KAT6A: variants seen among roughly 807,000 people sequenced by gnomAD.
KAT6A encodes the protein histone acetyltransferase KAT6A.
KAT6A carries 9 observed loss-of-function variants against 198.4 expected under a neutral mutation model. That is an observed-to-expected ratio of 0.05 (90% CI 0.03 to 0.08). The LOEUF (loss-of-function observed/expected upper bound fraction) is 0.08. Among genes scored for constraint, KAT6A ranks in the 10% least tolerant of loss-of-function variants. KAT6A has a pLI of 1.00. For synonymous variants in KAT6A, 890 were observed against 883.0 expected (o/e 1.01, Z -0.14); for missense variants, 2,077 against 2,509.9 (o/e 0.83, Z 3.69).
chr8:41,945,327 G>A (rs1196276568), intron 12 of KAT6A, among the ~76,000 whole-genome samples: 4 of 149,940 alleles, frequency 2.7e-5, no homozygotes, highest in African/African-American at 7.4e-5. Context: ...CTAGAGTGCA[G>A]TGGCGTGATC....
intron 2 of KAT6A, among the ~76,000 whole-genome samples, chr8:42,019,753 T>C (rs947648749): frequency 2.2e-4 from 33 of 152,194 alleles, no homozygotes; most frequent in Non-Finnish European, 2.1e-4. Flanking sequence ...AATTTACAGA[T>C]ATGCTTCACT....
chr8:42,005,763 T>TACACACACACAC (rs142174569), intron 2 of KAT6A, among the ~76,000 whole-genome samples: 6 of 142,130 alleles, frequency 4.2e-5, no homozygotes, highest in African/African-American at 1.0e-4. Flanking sequence ...TGCAAGCAAA[T>TACACACACACAC]ACACACACAC....
chr8:42,039,036 C>G (rs2150926325), intron 2 of KAT6A, among the ~76,000 whole-genome samples: 1 of 152,328 alleles, frequency 6.6e-6, no homozygotes, highest in South Asian at 2.1e-4. Flanking sequence ...TGAAAGCCAT[C>G]TGCTGGGAAC....
chr8:41,959,470 A>G (rs909675349), intron 8 of KAT6A, among the ~76,000 whole-genome samples: 3 of 152,204 alleles, frequency 2.0e-5, no homozygotes, highest in African/African-American at 7.2e-5. Flanking sequence ...AAGTAAACAG[A>G]ATTACCACAT....
chr8:42,011,000 A>T (rs1474050219), intron 2 of KAT6A, among the ~76,000 whole-genome samples: 1 of 152,208 alleles, frequency 6.6e-6, no homozygotes, highest in Non-Finnish European at 1.5e-5. Context: ...CAGAGATAAG[A>T]GGAGATAATC....
chr8:41,997,842 T>G (rs1337113290), intron 2 of KAT6A, among the ~76,000 whole-genome samples: 1 of 152,176 alleles, frequency 6.6e-6, no homozygotes, highest in Non-Finnish European at 1.5e-5. Context: ...AACAAATAAT[T>G]TTCAGCAGAG....
intron 10 of KAT6A, among the ~76,000 whole-genome samples, chr8:41,949,003 C>T (rs1037391893): frequency 1.3e-5 from 2 of 152,230 alleles, no homozygotes; most frequent in East Asian, 1.9e-4. Flanking sequence ...CATTTAAATG[C>T]CATATTTCAT....
chr8:41,961,141 C>T (rs546043410), intron 8 of KAT6A, among the ~76,000 whole-genome samples: 21 of 152,318 alleles, frequency 1.4e-4, no homozygotes, highest in African/African-American at 5.1e-4. Context: ...CTTACTCCAC[C>T]TTCACTTTCA....
At chr8:41,953,903 A>G in intron 9 of KAT6A, among the ~76,000 whole-genome samples, 1 of 152,326 alleles carries the variant, frequency 6.6e-6, no homozygotes, top group East Asian at 1.9e-4. Flanking sequence ...ACATACATGT[A>G]TAATATATAT....
At chr8:42,010,169 G>C (rs1825958187) in intron 2 of KAT6A, among the ~76,000 whole-genome samples, 1 of 151,998 alleles carries the variant, frequency 6.6e-6, no homozygotes, top group Non-Finnish European at 1.5e-5. Context: ...GCTTGGTGTG[G>C]TCGCGCACGC....
At chr8:41,964,376 T>C (rs772628547) in intron 8 of KAT6A, among the ~76,000 whole-genome samples, 5 of 152,166 alleles carry the variant, frequency 3.3e-5, no homozygotes, top group South Asian at 2.1e-4. Context: ...GTTTATTCAA[T>C]AGTCCCCCTT....
chr8:42,003,998 C>CA (rs1825621595), intron 2 of KAT6A, among the ~76,000 whole-genome samples: 1 of 152,276 alleles, frequency 6.6e-6, no homozygotes, highest in East Asian at 1.9e-4. Flanking sequence ...CTACGGTATT[C>CA]TGTAATAACA....
In KAT6A at chr8:41,946,864, T is replaced by C. The variant is rs1822421777; in HGVS notation, c.1903-180A>G. 2.0e-5 allele frequency among the ~76,000 whole-genome samples: 3 copies of C among 151,522 alleles called. No individual in the cohort carries two copies. The South Asian group carries it at 6.2e-4, about 31-fold the overall frequency. On this transcript the variant is annotated intron_variant, in intron 11 of 16. Coordinates refer to ENST00000265713, the MANE Select transcript of KAT6A (RefSeq NM_006766.5). ...ATAGGATAATGTCAAGTCACTGCCA[T>C]TACCCACAAAGCAACCATCCCAGGA...
chr8:42,023,966 TG>T (rs971601259), intron 2 of KAT6A, among the ~76,000 whole-genome samples: 1 of 152,114 alleles, frequency 6.6e-6, no homozygotes, highest in Non-Finnish European at 1.5e-5. Context: ...CACTGGAAAG[TG>T]GGGTGATACC....
chr8:41,982,032 A>G (rs1370958486), intron 3 of KAT6A, 78 bp from the exon 4 acceptor site: 1 of 801,494 alleles, frequency 1.2e-6, no homozygotes, highest in Non-Finnish European at 2.1e-6. Context: ...AATGATGTAG[A>G]AAAAGGCAAT....
At chr8:41,938,706 G>A (rs1044175643) in intron 15 of KAT6A, among the ~76,000 whole-genome samples, 2 of 152,124 alleles carry the variant, frequency 1.3e-5, no homozygotes, top group African/African-American at 4.8e-5. Flanking sequence ...CAGCACCTTG[G>A]AGGCCAAGGC....
rs1290819589 is a variant in KAT6A, at chr8:41,934,875, G to A, written c.3353-8C>T. On this transcript the variant is annotated splice_region_variant and splice_polypyrimidine_tract_variant and intron_variant, in intron 16 of 16. Coordinates refer to ENST00000265713, the MANE Select transcript of KAT6A (RefSeq NM_006766.5). ...GCTTTAAGATAGGAGTGTCTATACAGGAAGGAAAAAAAACAAAGACAGGTT... is the reference window on the plus strand; with the variant it reads ...GCTTTAAGATAGGAGTGTCTATACAAGAAGGAAAAAAAACAAAGACAGGTT... 2.5e-6 allele frequency: 4 copies of A among 1,570,220 alleles called. No homozygotes were observed. Among genetic ancestry groups the A allele is most frequent in the African/African-American group, 2.8e-5 (2 of 72,442 alleles).
At chr8:41,976,863 C>CT (rs1445952241) in intron 7 of KAT6A, 145 bp downstream of exon 7, 22 of 682,030 alleles carry the variant, frequency 3.2e-5, no homozygotes, top group Non-Finnish European at 4.9e-5. Context: ...ACCTCAGTAT[C>CT]ATCTACATGT....
intron 2 of KAT6A, among the ~76,000 whole-genome samples, chr8:42,030,778 A>G (rs1827069468): frequency 1.3e-5 from 2 of 151,876 alleles, no homozygotes; most frequent in Non-Finnish European, 2.9e-5. Context: ...GGGTTTCACC[A>G]TGTTGGTCAG....
Sources: allele counts gnomAD v4.1 joint callset (sites outside exome capture counted in the v4.1 genomes callset), GRCh38; gene constraint gnomAD v4.1.1; transcripts MANE v1.5; gene names NCBI Gene and HGNC (gene_info 2026-07-23, HGNC 2026-07-21).